The following PNPLA7 variants were observed in gnomAD, a reference collection of about 807,000 sequenced individuals.
PNPLA7 encodes patatin-like phospholipase domain-containing protein 7.
Under a neutral mutation model 161.7 loss-of-function variants are expected in PNPLA7, and 153 were observed. The ratio of observed to expected loss-of-function variants is 0.95; its 90% CI spans 0.83 to 1.08. The LOEUF is 1.08. Among genes scored for constraint, PNPLA7 ranks in the 50% least tolerant of loss-of-function variants. The pLI, the probability that PNPLA7 is intolerant of heterozygous loss-of-function variation, is 0.00. For synonymous variants in PNPLA7, 809 were observed against 782.1 expected, an observed-to-expected ratio of 1.03 and a Z score of -0.57; for missense variants, 1,739 against 1,856.6, an observed-to-expected ratio of 0.94 and a Z score of 1.16.
At chr9:137,506,273 A>T (rs1195896818) in intron 12 of PNPLA7, among the ~76,000 whole-genome samples, 190 bp from the exon 13 acceptor site, 1 of 152,178 alleles carries the variant, frequency 6.6e-6, no homozygotes, top group Admixed American at 6.5e-5. Context: ...GTGACCCACC[A>T]GCTACAGGTT....
chr9:137,462,600 G>A (rs1329819796), intron 30 of PNPLA7, 85 bp downstream of exon 30: 12 of 1,533,056 alleles, frequency 7.8e-6, no homozygotes, highest in Middle Eastern at 1.9e-4. Context: ...GCCCAGGAGC[G>A]ACCCCCACTC....
Position 137,550,305 on chromosome 9 carries a change from C to T in PNPLA7, c.-108G>A. 1 of 1,214,914 alleles carries T rather than the reference C, an allele frequency of 8.2e-7. No individual in the cohort carries two copies. The highest frequency in any genetic ancestry group is 1.2e-6 in the Non-Finnish European group (1 of 824,004). The allele number at this position is 1,214,914 out of a possible 1,614,324, so 75.3% of individuals were successfully genotyped here. On this transcript the variant is annotated 5_prime_UTR_variant, in exon 1 of 35. Transcript: ENST00000406427. The stretch of plus-strand genomic sequence containing the variant: ...ACACCTGGACACTTTTCCCTGGGTT[C>T]CTTTCAAGTCAAATTATGTTTCACT...
In PNPLA7 at chr9:137,524,896, C is replaced by T. The variant is rs1835223813; in HGVS notation, c.748-2039G>A. On this transcript the variant is annotated intron_variant, in intron 8 of 34. Transcript: ENST00000406427. The surrounding 1 kb of genome is among the most constrained non-coding windows in gnomAD (Gnocchi z 4.4). The stretch of plus-strand genomic sequence containing the variant: ...TTCCGTGGATGCCTGTCTTCACCAG[C>T]AGTTGGTGCCACCATGTCGCATAAT... 6.6e-6 allele frequency among the ~76,000 whole-genome samples: 1 copy of T among 152,174 alleles called. No individual in the cohort carries two copies.
At chr9:137,461,740 C>A (rs951240332) in intron 32 of PNPLA7, 120 bp from the exon 33 acceptor site, 107 of 1,240,262 alleles carry the variant, frequency 8.6e-5, no homozygotes, top group Middle Eastern at 2.6e-4. Context: ...GCCTGCCCCC[C>A]AAGTAAGGGC....
rs1831524886 is a variant in PNPLA7 at position 137,467,334 on chromosome 9, C to T, written c.3022G>A (p.Ala1008Thr). The T allele has an allele frequency of 1.2e-6, 2 of 1,613,318 alleles. No individual in the cohort carries two copies. The highest frequency in any genetic ancestry group is 2.2e-5 in the South Asian group (2 of 91,050). ...ERNYSQMRIR[A>T]KQWAEGMTSL... ...CTGCTTACCTCGGCCCACTGCTTGG[C>T]CCGGATCCGCATCTGGCTGTAGTTC... Residue 1008 changes from alanine (A) to threonine (T), a missense_variant, in exon 26 of 35, where the codon GCC becomes ACC. By Grantham distance (58) the Ala-to-Thr change is moderately conservative (BLOSUM62 0). Around this residue, in one of 6 missense-constraint regions of PNPLA7, gnomAD observed 703 missense variants for 694.6 expected, o/e 1.01. Coordinates refer to ENST00000406427, the MANE Select transcript of PNPLA7 (RefSeq NM_001098537.3). This position sits in a 1 kb window ranked among gnomAD's most constrained non-coding sequence, Gnocchi z 5.1.
chr9:137,502,090 C>T (rs1417346058), intron 14 of PNPLA7, among the ~76,000 whole-genome samples: 1 of 152,206 alleles, frequency 6.6e-6, no homozygotes, highest in Non-Finnish European at 1.5e-5. Flanking sequence ...GATGCCTTCT[C>T]CACACCACCT....
Position 137,519,908 on chromosome 9 carries a change from G to A in PNPLA7, c.1084+9C>T. On this transcript the variant is annotated intron_variant, in intron 11 of 34. Transcript: ENST00000406427. The stretch of plus-strand genomic sequence containing the variant: ...GCTGGACATTGCCCTCCTTGGTGCA[G>A]GACAGTACCTGAGTCACAGGACTCC... 3.1e-6 allele frequency: 5 copies of A among 1,610,910 alleles called. No individual in the cohort carries two copies. The highest frequency in any genetic ancestry group is 4.2e-6 in the Non-Finnish European group (5 of 1,179,070).
At position 137,460,007 on chromosome 9, in the gene PNPLA7, A is replaced by T. The variant is rs891608178; in HGVS notation, c.*386T>A. On this transcript the variant is annotated 3_prime_UTR_variant, in exon 35 of 35. Coordinates refer to ENST00000406427, the MANE Select transcript of PNPLA7 (RefSeq NM_001098537.3). ...CACACGGCAGCATCAGGGCTCCCAC[A>T]CCTCACAGGGCAGCAGGCAGTTCAC... The T allele has an allele frequency of 4.8e-6, 1 of 208,506 alleles. No homozygotes were observed. The highest frequency in any genetic ancestry group is 2.3e-5 in the African/African-American group (1 of 43,108). The allele number at this position is 208,506 out of a possible 1,614,324, so 12.9% of individuals were successfully genotyped here.
rs374621963 is a variant in PNPLA7 at position 137,505,606 on chromosome 9, C to G, written c.1473+8G>C. On this transcript the variant is annotated splice_region_variant and intron_variant, in intron 14 of 34. Coordinates refer to ENST00000406427, the MANE Select transcript of PNPLA7 (RefSeq NM_001098537.3). ...GACAAGGGCCAGGTGCCCGCCGGGG[C>G]CACTCACTTCCAGCTTCATCAGGGT... 1 of 1,613,492 alleles carries G rather than the reference C, an allele frequency of 6.2e-7. No homozygotes were observed. The highest frequency in any genetic ancestry group is 8.5e-7 in the Non-Finnish European group (1 of 1,179,782).
intron 26 of PNPLA7, 120 bp from the exon 27 acceptor site, chr9:137,464,576 C>T (rs541927821): frequency 2.1e-6 from 2 of 935,604 alleles, no homozygotes; most frequent in Admixed American, 1.8e-5. Context: ...GTCCTTGGGC[C>T]CCACCCACGG....
At chr9:137,478,399 C>T (rs2132131981) in intron 24 of PNPLA7, 1 of 368,742 alleles carries the variant, frequency 2.7e-6, no homozygotes, top group East Asian at 3.9e-5. Context: ...GAGAGTGGGC[C>T]CGGGTGGGGG....
At chr9:137,473,715 AGTCATCG>A (rs949137013) in intron 25 of PNPLA7, among the ~76,000 whole-genome samples, 1 of 152,240 alleles carries the variant, frequency 6.6e-6, no homozygotes, top group African/African-American at 2.4e-5. Flanking sequence ...CTACGTCATC[AGTCATCG>A]GAGGGATGCA....
chr9:137,491,812 G>A (rs1167578675), intron 20 of PNPLA7: 31 of 985,296 alleles, frequency 3.1e-5, no homozygotes, highest in Non-Finnish European at 3.5e-5. Flanking sequence ...CAGCTCACAC[G>A]CCAATGCCAG....
intron 12 of PNPLA7, among the ~76,000 whole-genome samples, chr9:137,514,528 G>C (rs923010898): frequency 7.0e-6 from 1 of 142,906 alleles, no homozygotes; most frequent in African/African-American, 2.6e-5. Flanking sequence ...CCCTGTGGCT[G>C]GGCTGCGGGC....
intron 12 of PNPLA7, among the ~76,000 whole-genome samples, chr9:137,515,081 A>C (rs1448832592): frequency 6.6e-6 from 1 of 152,022 alleles, no homozygotes; most frequent in African/African-American, 2.4e-5. Flanking sequence ...GAGGGCGGGA[A>C]GGGCCGAGCA....
rs1484035966 is a variant in PNPLA7 at position 137,460,069 on chromosome 9, A to G, written c.*324T>C. The G allele has an allele frequency of 6.6e-6, 2 of 302,094 alleles. No individual in the cohort carries two copies. The highest frequency in any genetic ancestry group is 8.8e-5 in the Admixed American group (2 of 22,834). 18.7% of individuals were successfully genotyped at this position (302,094 alleles called of 1,614,324 possible). On this transcript the variant is annotated 3_prime_UTR_variant, in exon 35 of 35. Transcript: ENST00000406427. ...CAGTTCACAGGGCTTTGGGGGCCTC[A>G]CAGGGCAGCAGGTGGTTCACAGGGC...
chr9:137,529,605 C>T (rs1018193307), intron 8 of PNPLA7, among the ~76,000 whole-genome samples: 3 of 151,260 alleles, frequency 2.0e-5, no homozygotes, highest in Non-Finnish European at 4.4e-5. Context: ...CTGCCCTGAA[C>T]ATGCACCACT....
rs988120621 is a variant in PNPLA7, at chr9:137,520,173, G to A, written c.958-130C>T. On this transcript the variant is annotated intron_variant, in intron 10 of 34. Coordinates refer to ENST00000406427, the MANE Select transcript of PNPLA7 (RefSeq NM_001098537.3). The surrounding 1 kb of genome is among the most constrained non-coding windows in gnomAD (Gnocchi z 5.2). ...TGACAGGTGTGGGCCCCTCAAAGGT[G>A]TGACAGGTGTGGGACTCTCAAAGGT... 2.4e-5 allele frequency: 32 copies of A among 1,331,078 alleles called. No individual in the cohort carries two copies. The highest frequency in any genetic ancestry group is 3.0e-5 in the Non-Finnish European group (29 of 972,930). The allele number at this position is 1,331,078 out of a possible 1,614,324, so 82.5% of individuals were successfully genotyped here.
At chr9:137,495,600 C>T (rs370408978) in intron 18 of PNPLA7, among the ~76,000 whole-genome samples, 255 of 152,298 alleles carry the variant, frequency 1.7e-3, no homozygotes, top group African/African-American at 5.9e-3. Context: ...CCCACCACCA[C>T]GCCCGGCTAG....
Sources: gnomAD v4.1 joint callset for allele counts (sites outside exome capture counted in the v4.1 genomes callset) on GRCh38, gnomAD v4.1.1 for gene constraint, gnomAD v4.1.1 regional missense constraint, Gnocchi (gnomAD v3.1) non-coding constraint, MANE v1.5 for transcripts, NCBI Gene and HGNC (gene_info 2026-07-23, HGNC 2026-07-21) for gene names.